The following AKAP19 variants were observed in gnomAD, a reference collection of about 807,000 sequenced individuals.
The protein encoded by AKAP19 is small A-kinase anchoring protein.
the AKAP19 span, among the ~76,000 whole-genome samples, chr2:189,955,692 A>G: frequency 3.3e-5 from 5 of 152,284 alleles, no homozygotes; most frequent in East Asian, 7.7e-4. Flanking sequence ...TTGTGGTTTT[A>G]ATTTGCATTT....
the AKAP19 span, among the ~76,000 whole-genome samples, chr2:189,981,226 T>G: frequency 6.6e-6 from 1 of 152,216 alleles, no homozygotes; most frequent in South Asian, 2.1e-4. Flanking sequence ...GAGTTAAATC[T>G]TCTTGTTCAA....
At chr2:190,199,990 G>A in the AKAP19 span, 1 of 1,613,984 alleles carries the variant, frequency 6.2e-7, no homozygotes, top group Non-Finnish European at 8.5e-7. Context: ...TCCAGTTAAT[G>A]TCAAAGAGGA....
At chr2:189,930,866 G>A in the AKAP19 span, 1 of 734,590 alleles carries the variant, frequency 1.4e-6, no homozygotes, top group African/African-American at 1.8e-5. Context: ...GGTGTTGGAT[G>A]GTAGACTGGA....
At chr2:190,025,666 C>A in the AKAP19 span, among the ~76,000 whole-genome samples, 1 of 152,138 alleles carries the variant, frequency 6.6e-6, no homozygotes, top group African/African-American at 2.4e-5. Flanking sequence ...GCCATTTCTG[C>A]GCAATACCAG....
the AKAP19 span, among the ~76,000 whole-genome samples, chr2:190,008,946 A>G: frequency 6.6e-6 from 1 of 152,114 alleles, no homozygotes; most frequent in Non-Finnish European, 1.5e-5. Flanking sequence ...TTGTGCTGAG[A>G]GGGTGATATT....
At chr2:190,003,637 G>A in the AKAP19 span, among the ~76,000 whole-genome samples, 1 of 152,262 alleles carries the variant, frequency 6.6e-6, no homozygotes, top group African/African-American at 2.4e-5. Context: ...GCCACAAGCG[G>A]CGGATCTCTT....
the AKAP19 span, among the ~76,000 whole-genome samples, chr2:190,085,202 G>GAAATATATTTTACC: frequency 1.3e-5 from 2 of 152,188 alleles, no homozygotes; most frequent in African/African-American, 4.8e-5. Context: ...GATTAGACAT[G>GAAATATATTTTACC]AAATATATTT....
the AKAP19 span, among the ~76,000 whole-genome samples, chr2:190,101,355 C>T: frequency 2.6e-5 from 4 of 152,316 alleles, no homozygotes; most frequent in East Asian, 5.8e-4. Flanking sequence ...AGGACCAGCT[C>T]GGTAACCTGG....
the AKAP19 span, among the ~76,000 whole-genome samples, chr2:189,912,571 T>A: frequency 6.6e-6 from 1 of 152,010 alleles, no homozygotes; most frequent in Non-Finnish European, 1.5e-5. Context: ...AAAAGATAGT[T>A]TGGACAAATG....
chr2:189,935,435 T>C, the AKAP19 span, among the ~76,000 whole-genome samples: 1 of 152,078 alleles, frequency 6.6e-6, no homozygotes, highest in African/African-American at 2.4e-5. Flanking sequence ...TTGAATATTT[T>C]ATTAAGGATC....
At chr2:189,897,144 G>T in the AKAP19 span, among the ~76,000 whole-genome samples, 3 of 152,070 alleles carry the variant, frequency 2.0e-5, no homozygotes, top group African/African-American at 7.2e-5. Context: ...AGCAACTAGT[G>T]CAAAGCTTGG....
At chr2:190,180,983 C>T in the AKAP19 span, 1 of 985,676 alleles carries the variant, frequency 1.0e-6, no homozygotes, top group Non-Finnish European at 1.2e-6. This position sits in a 1 kb window ranked among gnomAD's most constrained non-coding sequence, Gnocchi z 6.8. Context: ...CCAGCAAGCC[C>T]CCCTCCCACG....
At chr2:190,120,558 G>C in the AKAP19 span, among the ~76,000 whole-genome samples, 1 of 152,160 alleles carries the variant, frequency 6.6e-6, no homozygotes, top group Non-Finnish European at 1.5e-5. Flanking sequence ...GGAGAAACAA[G>C]GCTGGAACCA....
chr2:189,980,994 C>A, the AKAP19 span, among the ~76,000 whole-genome samples: 1 of 152,124 alleles, frequency 6.6e-6, no homozygotes, highest in East Asian at 1.9e-4. Flanking sequence ...AATGTATACG[C>A]TGTGGTTTTG....
the AKAP19 span, among the ~76,000 whole-genome samples, chr2:190,115,737 A>G: frequency 6.6e-6 from 1 of 152,094 alleles, no homozygotes; most frequent in South Asian, 2.1e-4. Context: ...TCTCAGAACA[A>G]TGCCTTTCTT....
the AKAP19 span, among the ~76,000 whole-genome samples, chr2:190,052,213 C>T: frequency 6.6e-6 from 1 of 152,146 alleles, no homozygotes; most frequent in Admixed American, 6.5e-5. Context: ...GAATTCTTCA[C>T]CTAGGGTGCA....
chr2:189,919,692 C>T, the AKAP19 span, among the ~76,000 whole-genome samples: 1 of 152,184 alleles, frequency 6.6e-6, no homozygotes, highest in African/African-American at 2.4e-5. Flanking sequence ...CTTCCAGCTT[C>T]ATCCATGCCC....
At chr2:190,160,315 G>T in the AKAP19 span, among the ~76,000 whole-genome samples, 1 of 149,082 alleles carries the variant, frequency 6.7e-6, no homozygotes, top group Non-Finnish European at 1.5e-5. Context: ...TACCTGTCTG[G>T]ATGGCACTAG....
chr2:190,063,538 G>A, the AKAP19 span, among the ~76,000 whole-genome samples: 1 of 152,036 alleles, frequency 6.6e-6, no homozygotes, highest in African/African-American at 2.4e-5. Flanking sequence ...TTTATAACTG[G>A]CATGGCAGAG....
Sources: allele counts gnomAD v4.1 joint callset (sites outside exome capture counted in the v4.1 genomes callset), GRCh38; gene constraint gnomAD v4.1.1; non-coding constraint Gnocchi (gnomAD v3.1); transcripts MANE v1.5; gene names NCBI Gene and HGNC (gene_info 2026-07-23, HGNC 2026-07-21).